APP: variants seen among roughly 807,000 people sequenced by gnomAD.
APP encodes the protein amyloid beta precursor protein.
A neutral mutation model predicts 101.4 loss-of-function variants in APP; 31 were observed. The observed-to-expected ratio is 0.31, with a 90% CI of 0.23 to 0.41. The LOEUF is 0.41. APP is among the 10% of genes least tolerant of loss of function. The probability of loss-of-function intolerance (pLI) is 1.00; values close to 1 mark genes in which losing one functional copy is unlikely to be tolerated. For synonymous variants in APP, 366 were observed against 364.4 expected, an observed-to-expected ratio of 1.00 and a Z score of -0.05; for missense variants, 839 against 1,003.7, an observed-to-expected ratio of 0.84 and a Z score of 2.22.
intron 1 of APP, among the ~76,000 whole-genome samples, chr21:26,142,115 T>C (rs966413304): frequency 2.0e-5 from 3 of 152,142 alleles, no homozygotes; most frequent in Non-Finnish European, 4.4e-5. Context: ...CAAGGAGTAT[T>C]TGCACCATTT....
chr21:26,040,761 AAAACAAACAAAC>A (rs74534911), intron 5 of APP, among the ~76,000 whole-genome samples: 3 of 149,920 alleles, frequency 2.0e-5, no homozygotes, highest in South Asian at 2.1e-4. Flanking sequence ...ACTCTATCTC[AAAACAAACAAAC>A]AAACAAACAA....
At chr21:26,054,339 C>G (rs778272658) in intron 3 of APP, among the ~76,000 whole-genome samples, 9 of 152,190 alleles carry the variant, frequency 5.9e-5, no homozygotes, top group African/African-American at 9.7e-5. Flanking sequence ...CCCCACAATT[C>G]CTGGCCTAGT....
rs2036985371 is a variant in APP at position 25,881,579 on chromosome 21, G to C, written c.*91C>G. The stretch of plus-strand genomic sequence containing the variant: ...AATGAGTAAATCATAAAACGGGTTT[G>C]TTTCTTCCCACATTATTCTATAAAT... On this transcript the variant is annotated 3_prime_UTR_variant, in exon 18 of 18. Transcript: ENST00000346798. 1.4e-6 allele frequency: 2 copies of C among 1,434,184 alleles called. No homozygotes were observed. Among genetic ancestry groups the C allele is most frequent in the South Asian group, 2.3e-5 (2 of 87,280 alleles). The allele number at this position is 1,434,184 out of a possible 1,614,324, so 88.8% of individuals were successfully genotyped here.
intron 11 of APP, among the ~76,000 whole-genome samples, chr21:25,971,084 T>G (rs1488832274): frequency 6.6e-6 from 1 of 152,068 alleles, no homozygotes. Context: ...AGTCTTGCTC[T>G]GTCACCACAC....
chr21:26,162,506 A>C (rs1385895270), intron 1 of APP, among the ~76,000 whole-genome samples: 1 of 152,126 alleles, frequency 6.6e-6, no homozygotes, highest in Non-Finnish European at 1.5e-5. Flanking sequence ...ACGAGCACAC[A>C]GACAAGGAAA....
intron 13 of APP, among the ~76,000 whole-genome samples, chr21:25,914,639 C>G (rs1453102292): frequency 2.0e-5 from 3 of 150,468 alleles, no homozygotes; most frequent in African/African-American, 7.4e-5. Context: ...CTGCAAGCTC[C>G]GCCTCCCGGG....
intron 13 of APP, among the ~76,000 whole-genome samples, chr21:25,925,870 A>G (rs2146371830): frequency 6.6e-6 from 1 of 152,348 alleles, no homozygotes; most frequent in Middle Eastern, 3.4e-3. Flanking sequence ...CGGGAGGTGG[A>G]GGCTGCAGTG....
chr21:26,080,487 G>T (rs777298169), intron 3 of APP, among the ~76,000 whole-genome samples: 1 of 151,206 alleles, frequency 6.6e-6, no homozygotes, highest in African/African-American at 2.4e-5. Context: ...CCTGCTTTCC[G>T]CCGGGTTGTG....
intron 13 of APP, chr21:25,942,642 T>C (rs982777943): frequency 6.6e-6 from 1 of 152,196 alleles, no homozygotes; most frequent in African/African-American, 2.4e-5. Flanking sequence ...TGTCTGGCAA[T>C]GACAAAGAAT....
At chr21:25,905,489 T>C (rs755756554) in intron 14 of APP, among the ~76,000 whole-genome samples, 8 of 152,216 alleles carry the variant, frequency 5.3e-5, no homozygotes, top group Non-Finnish European at 1.2e-4. Context: ...TTATCTTATT[T>C]TACAGTTAAT....
intron 2 of APP, among the ~76,000 whole-genome samples, chr21:26,109,052 T>C (rs1386263558): frequency 6.6e-6 from 1 of 152,188 alleles, no homozygotes; most frequent in Non-Finnish European, 1.5e-5. Context: ...GGCTGGTGTG[T>C]ATCATCCAAC....
Position 26,152,881 on chromosome 21 carries a change from C to T in APP, c.57+17683G>A, listed in dbSNP as rs150610709. On this transcript the variant is annotated intron_variant, in intron 1 of 17. Coordinates refer to ENST00000346798, the MANE Select transcript of APP (RefSeq NM_000484.4). ...ACCACAATTCACAAATGCAAAGATGCAGAACCAACCTAAGTGGCCACTGAC... is the reference window on the plus strand; with the variant it reads ...ACCACAATTCACAAATGCAAAGATGTAGAACCAACCTAAGTGGCCACTGAC... Among the ~76,000 whole-genome samples, 20 of 152,284 alleles carry T rather than the reference C, an allele frequency of 1.3e-4. 1 individual carries two copies. The highest frequency in any genetic ancestry group is 8.5e-4 in the Admixed American group (13 of 15,284).
intron 3 of APP, 72 bp from the exon 4 acceptor site, chr21:26,053,420 G>T: frequency 4.4e-6 from 5 of 1,132,964 alleles, no homozygotes; most frequent in Non-Finnish European, 6.7e-6. Context: ...AGACATCAAG[G>T]AAAGATAGAC....
At chr21:25,900,756 C>G (rs1043937946) in intron 15 of APP, among the ~76,000 whole-genome samples, 1 of 151,998 alleles carries the variant, frequency 6.6e-6, no homozygotes. Flanking sequence ...AATCCCAGCA[C>G]TTTGGGAGGC....
At chr21:25,975,031 T>C (rs750842660) in intron 11 of APP, 39 bp downstream of exon 11, 1 of 1,613,390 alleles carries the variant, frequency 6.2e-7, no homozygotes, top group Admixed American at 1.7e-5. Flanking sequence ...CTGTCTGTGC[T>C]GTGACCTGAA....
chr21:25,984,433 G>A (rs2042561783), intron 8 of APP, among the ~76,000 whole-genome samples: 1 of 151,906 alleles, frequency 6.6e-6, no homozygotes, highest in Non-Finnish European at 1.5e-5. Context: ...AAGGCCGAAA[G>A]TATCAAAAAT....
In APP at chr21:26,152,086, C is replaced by T. The variant is rs530721935; in HGVS notation, c.57+18478G>A. Among the ~76,000 whole-genome samples, 23 of 151,942 alleles carry T rather than the reference C, an allele frequency of 1.5e-4. No homozygotes were observed. The East Asian group carries it at 3.7e-3, about 24-fold the overall frequency. On this transcript the variant is annotated intron_variant, in intron 1 of 17. Transcript: ENST00000346798. Reference sequence around the variant, plus strand: ...GGTCAGGAGATCAAGACCATCCTGGCCAACATGGTGAAACCCTATCTCTAC... The same window carrying T: ...GGTCAGGAGATCAAGACCATCCTGGTCAACATGGTGAAACCCTATCTCTAC...
chr21:25,969,303 A>C (rs1440417927), intron 11 of APP, among the ~76,000 whole-genome samples: 1 of 145,630 alleles, frequency 6.9e-6, no homozygotes, highest in Non-Finnish European at 1.5e-5. Context: ...AGCCAAGATC[A>C]CGCCACTGCA....
intron 5 of APP, among the ~76,000 whole-genome samples, chr21:26,031,798 A>G (rs1463830441): frequency 1.3e-5 from 2 of 152,198 alleles, no homozygotes; most frequent in Non-Finnish European, 2.9e-5. Context: ...GGAAGCAAAA[A>G]CAACAAACTC....
Sources: allele counts gnomAD v4.1 joint callset (sites outside exome capture counted in the v4.1 genomes callset), GRCh38; gene constraint gnomAD v4.1.1; transcripts MANE v1.5; gene names NCBI Gene and HGNC (gene_info 2026-07-23, HGNC 2026-07-21).